Variants in ELP1 observed in about 807,000 individuals in gnomAD.
ELP1 encodes the protein elongator acetyltransferase complex subunit 1, also known as elongator complex protein 1.
In ELP1, 131 loss-of-function variants were observed where a neutral mutation model predicts 183.2. The ratio of observed to expected loss-of-function variants is 0.72; its 90% CI spans 0.62 to 0.83. The LOEUF (loss-of-function observed/expected upper bound fraction) is 0.83, where lower values mean the gene tolerates loss of function less well. Ranked by LOEUF, ELP1 falls within the 40% of genes least tolerant of loss-of-function variation. ELP1 has a pLI of 0.00. For synonymous variants in ELP1, 555 were observed against 569.0 expected (o/e 0.98, Z 0.35); for missense variants, 1,550 against 1,594.9 (o/e 0.97, Z 0.48).
intron 1 of ELP1, among the ~76,000 whole-genome samples, 161 bp downstream of exon 1, chr9:108,933,703 C>A (rs1252482731): frequency 6.6e-6 from 1 of 152,236 alleles, no homozygotes; most frequent in Non-Finnish European, 1.5e-5. Context: ...GAGCAGGTGG[C>A]AAGGCTGCAA....
intron 12 of ELP1, among the ~76,000 whole-genome samples, chr9:108,909,527 G>C (rs1487656435): frequency 6.6e-6 from 1 of 152,198 alleles, no homozygotes; most frequent in African/African-American, 2.4e-5. Flanking sequence ...GCCCTGACCT[G>C]TTCCAGTCCA....
intron 27 of ELP1, among the ~76,000 whole-genome samples, chr9:108,891,776 G>A (rs1484667231): frequency 2.6e-5 from 4 of 152,158 alleles, no homozygotes; most frequent in African/African-American, 9.7e-5. Flanking sequence ...AATGGCAAAC[G>A]TGAGTAAAGG....
At chr9:108,891,539 G>T in intron 27 of ELP1, 135 bp from the exon 28 acceptor site, 1 of 771,256 alleles carries the variant, frequency 1.3e-6, no homozygotes. Flanking sequence ...CAGTTGATCA[G>T]TTAGTACAGT....
intron 26 of ELP1, among the ~76,000 whole-genome samples, 193 bp downstream of exon 26, chr9:108,893,749 TC>T (rs1445656829): frequency 7.2e-5 from 11 of 152,306 alleles, no homozygotes; most frequent in Admixed American, 1.3e-4. Flanking sequence ...AGGGAGCTCC[TC>T]CAGTTCATTA....
At chr9:108,881,621 C>T in intron 31 of ELP1, 84 bp downstream of exon 31, 1 of 840,926 alleles carries the variant, frequency 1.2e-6, no homozygotes, top group Non-Finnish European at 2.1e-6. Context: ...ATTAAGAAAA[C>T]ACAGTAAATA....
At chr9:108,923,403 T>C (rs1829724837) in intron 5 of ELP1, among the ~76,000 whole-genome samples, 1 of 152,158 alleles carries the variant, frequency 6.6e-6, no homozygotes, top group South Asian at 2.1e-4. Context: ...CCATTTCATA[T>C]TATATGCAGC....
chr9:108,930,240 C>T (rs907516167), intron 2 of ELP1, among the ~76,000 whole-genome samples: 1 of 152,124 alleles, frequency 6.6e-6, no homozygotes, highest in African/African-American at 2.4e-5. Context: ...GGAAAAGGCA[C>T]TAAAGGATGT....
At chr9:108,923,987 T>C (rs1382289770) in intron 5 of ELP1, among the ~76,000 whole-genome samples, 1 of 152,240 alleles carries the variant, frequency 6.6e-6, no homozygotes, top group East Asian at 1.9e-4. Context: ...ATTTCCTGTC[T>C]GCTCACATCC....
In ELP1 at chr9:108,896,616, C is replaced by G. The variant is rs1304724701; in HGVS notation, c.2616G>C (p.Val872=). 1 of 1,613,986 alleles carries G rather than the reference C, an allele frequency of 6.2e-7. No individual in the cohort carries two copies. Among genetic ancestry groups the G allele is most frequent in the African/African-American group, 1.3e-5 (1 of 75,036 alleles). ...QGNAPSDPDA[V]SAEEALKYLL... ...AATATTTCAAGGCCTCTTCAGCACT[C>G]ACAGCATCAGGATCAGAGGGAGCAT... Residue 872 remains valine, a synonymous_variant, in exon 25 of 37, where the codon GTG becomes GTC. Transcript: ENST00000374647.
intron 5 of ELP1, among the ~76,000 whole-genome samples, chr9:108,924,729 T>C (rs1284913163): frequency 2.0e-5 from 3 of 152,110 alleles, no homozygotes; most frequent in African/African-American, 7.2e-5. Context: ...AGCCTTATAT[T>C]TGCATACTCC....
intron 14 of ELP1, 52 bp from the exon 15 acceptor site, chr9:108,903,721 A>T (rs1481831395): frequency 7.7e-7 from 1 of 1,302,000 alleles, no homozygotes; most frequent in Middle Eastern, 1.8e-4. Context: ...TCTCAAAAAT[A>T]GTGACATTTC....
intron 12 of ELP1, among the ~76,000 whole-genome samples, chr9:108,910,539 T>C (rs967535572): frequency 1.3e-5 from 2 of 152,134 alleles, no homozygotes; most frequent in Non-Finnish European, 2.9e-5. Flanking sequence ...GACAAGTGGA[T>C]TAGGAGCTAG....
At chr9:108,927,038 T>A (rs1829844043) in intron 4 of ELP1, among the ~76,000 whole-genome samples, 1 of 152,166 alleles carries the variant, frequency 6.6e-6, no homozygotes. Flanking sequence ...AAAATACATA[T>A]TGCTGACATT....
intron 31 of ELP1, among the ~76,000 whole-genome samples, chr9:108,880,704 A>C (rs901957361): frequency 6.6e-6 from 1 of 152,232 alleles, no homozygotes; most frequent in African/African-American, 2.4e-5. Flanking sequence ...TTTTGGGCCT[A>C]TGTAGATGAA....
intron 1 of ELP1, among the ~76,000 whole-genome samples, chr9:108,933,232 C>A (rs1404331412): frequency 6.6e-6 from 1 of 152,190 alleles, no homozygotes; most frequent in Non-Finnish European, 1.5e-5. Flanking sequence ...ACTCTATGTC[C>A]CCAAGCTGAA....
At chr9:108,894,110 T>C (rs753760357) in intron 25 of ELP1, 44 bp from the exon 26 acceptor site, 7 of 1,197,310 alleles carry the variant, frequency 5.8e-6, no homozygotes, top group East Asian at 4.8e-5. Context: ...GTGATATTCA[T>C]ATATAGGAAT....
chr9:108,879,460 G>A lies in ELP1; in HGVS notation c.3558C>T (p.Asn1186=). Residue 1186 remains asparagine, a synonymous_variant, in exon 33 of 37, where the codon AAC becomes AAT. Coordinates refer to ENST00000374647, the MANE Select transcript of ELP1 (RefSeq NM_003640.5). ...GTGATACGTACGCTGATATCCTGGA[G>A]TTACTATGGGAGTATTTGCCACTCA... ...SEMSGKYSHS[N]SRISARSSKN... 1 of 1,611,962 alleles carries A rather than the reference G, an allele frequency of 6.2e-7. No individual in the cohort carries two copies. The highest frequency in any genetic ancestry group is 8.5e-7 in the Non-Finnish European group (1 of 1,178,008).
chr9:108,922,254 G>A (rs940862669), intron 6 of ELP1, among the ~76,000 whole-genome samples: 31 of 151,992 alleles, frequency 2.0e-4, no homozygotes, highest in African/African-American at 6.5e-4. Context: ...AATGTGACAC[G>A]GACACTACTT....
rs184596130 is a variant in ELP1, at chr9:108,873,239, T to C, written c.3931+1656A>G. ...AAATTTTTGCAAGACTTGCAATTGATCTGCATGATATTGTATTGCATCAAA... is the reference window on the plus strand; with the variant it reads ...AAATTTTTGCAAGACTTGCAATTGACCTGCATGATATTGTATTGCATCAAA... On this transcript the variant is annotated intron_variant, in intron 36 of 36. Coordinates refer to ENST00000374647, the MANE Select transcript of ELP1 (RefSeq NM_003640.5). 3.3e-5 allele frequency among the ~76,000 whole-genome samples: 5 copies of C among 152,380 alleles called. 1 individual carries two copies. The highest frequency in any genetic ancestry group is 2.6e-4 in the Admixed American group (4 of 15,312).
Sources: allele counts gnomAD v4.1 joint callset (sites outside exome capture counted in the v4.1 genomes callset), GRCh38; gene constraint gnomAD v4.1.1; transcripts MANE v1.5; gene names NCBI Gene and HGNC (gene_info 2026-07-23, HGNC 2026-07-21).